The following APOLD1 variants were observed in gnomAD, a reference collection of about 807,000 sequenced individuals.
APOLD1 encodes the protein apolipoprotein L domain-containing protein 1.
APOLD1 carries 22 observed loss-of-function variants against 15.3 expected under a neutral mutation model. The observed-to-expected ratio is 1.44, with a 90% CI of 1.03 to 2.05. The LOEUF is 2.05. APOLD1 is among the 30% of genes most tolerant of loss of function. The pLI is 0.00. For synonymous variants in APOLD1, 190 were observed against 167.4 expected, an observed-to-expected ratio of 1.13 and a Z score of -1.04; for missense variants, 394 against 353.5, an observed-to-expected ratio of 1.11 and a Z score of -0.92.
At chr12:12,730,044 G>A (rs1313881135) in intron 1 of APOLD1, among the ~76,000 whole-genome samples, 2 of 92,874 alleles carry the variant, frequency 2.2e-5, no homozygotes, top group East Asian at 3.1e-4. Context: ...GTGTGTGTGT[G>A]TGTGTGTGTG....
At chr12:12,777,607 T>C (rs1002957204) in intron 1 of APOLD1, among the ~76,000 whole-genome samples, 1 of 152,192 alleles carries the variant, frequency 6.6e-6, no homozygotes, top group African/African-American at 2.4e-5. Flanking sequence ...CAATTGAGCA[T>C]CCCTAATTAA....
chr12:12,777,561 T>C (rs1445710188), intron 1 of APOLD1, among the ~76,000 whole-genome samples: 1 of 152,208 alleles, frequency 6.6e-6, no homozygotes, highest in East Asian at 1.9e-4. Context: ...ATTTCAATTT[T>C]GGCAGGATTT....
At position 12,789,781 on chromosome 12, in the gene APOLD1, T is replaced by G. The variant is rs1391496371; in HGVS notation, c.*2129T>G. On this transcript the variant is annotated 3_prime_UTR_variant, in exon 2 of 2. Coordinates refer to ENST00000356591, the MANE Select transcript of APOLD1 (RefSeq NM_030817.3). ...GCCTCTGTTACTTAATTATTTAATA[T>G]TCTATAAATGTACCCAATCTGTCCG... 1 of 152,252 alleles carries G rather than the reference T, an allele frequency of 6.6e-6. No homozygotes were observed. Among genetic ancestry groups the G allele is most frequent in the Non-Finnish European group, 1.5e-5 (1 of 68,046 alleles). 9.4% of individuals were successfully genotyped at this position (152,252 alleles called of 1,614,324 possible).
chr12:12,783,243 A>C (rs1456347525), upstream of APOLD1, among the ~76,000 whole-genome samples: 1 of 152,184 alleles, frequency 6.6e-6, no homozygotes, highest in Non-Finnish European at 1.5e-5. Flanking sequence ...CAAATGCTGA[A>C]TTGAATCGCT....
At chr12:12,727,802 G>A (rs190894895) in intron 1 of APOLD1, among the ~76,000 whole-genome samples, 96 of 143,170 alleles carry the variant, frequency 6.7e-4, no homozygotes, top group African/African-American at 2.2e-3. Context: ...GTCTTGCTGC[G>A]TTGCCCAGGC....
intron 1 of APOLD1, among the ~76,000 whole-genome samples, chr12:12,740,085 G>A (rs1242922445): frequency 1.3e-5 from 2 of 151,706 alleles, no homozygotes; most frequent in Admixed American, 1.3e-4. Flanking sequence ...AGGTTCAAGC[G>A]ATTCTCCTGC....
chr12:12,752,871 A>G (rs548234060), intron 1 of APOLD1, among the ~76,000 whole-genome samples: 2 of 152,312 alleles, frequency 1.3e-5, no homozygotes, highest in East Asian at 1.9e-4. Context: ...AGATGGTTCA[A>G]TTGCTGCTTG....
At chr12:12,754,403 A>C (rs1341104967) in intron 1 of APOLD1, among the ~76,000 whole-genome samples, 2 of 151,776 alleles carry the variant, frequency 1.3e-5, no homozygotes, top group Admixed American at 1.3e-4. Context: ...GACCCAATCA[A>C]ATATAATAAA....
Position 12,744,786 on chromosome 12 carries a change from T to C in APOLD1, c.96+18690T>C, listed in dbSNP as rs554857416. ...TCCTGTTGCCTGTGCTCAGTGTCTG[T>C]CTGGCTCCTGGCCTCCTCTTGCCAG... On this transcript the variant is annotated intron_variant, in intron 1 of 1. Coordinates refer to the APOLD1 transcript ENST00000326765. 2.0e-5 allele frequency among the ~76,000 whole-genome samples: 3 copies of C among 152,290 alleles called. No individual in the cohort carries two copies. The South Asian group carries it at 6.2e-4, about 32-fold the overall frequency.
At chr12:12,761,648 G>A (rs539169086) in intron 1 of APOLD1, among the ~76,000 whole-genome samples, 10 of 151,998 alleles carry the variant, frequency 6.6e-5, no homozygotes, top group African/African-American at 1.9e-4. Context: ...TATGATAAAT[G>A]TCTATCAACA....
chr12:12,751,443 C>T (rs766866310), intron 1 of APOLD1, among the ~76,000 whole-genome samples: 1 of 151,900 alleles, frequency 6.6e-6, no homozygotes, highest in Non-Finnish European at 1.5e-5. Flanking sequence ...TTCTACCTCC[C>T]GAGCTCAAGG....
intron 1 of APOLD1, among the ~76,000 whole-genome samples, chr12:12,751,157 C>T (rs1946809862): frequency 6.6e-6 from 1 of 151,814 alleles, no homozygotes; most frequent in Admixed American, 6.6e-5. Context: ...CATTGCCTAC[C>T]AGGGTTCCTG....
Position 12,787,651 on chromosome 12 carries a change from G to T in APOLD1, c.746G>T (p.Ter249LeuextTer39). ...SADQRAGLFF[*>L] ...GACCAGCGTGCAGGGCTGTTTTTCT[G>T]AGAACATCCTTTCCCCCTAATGACC... Residue 249 changes from the stop codon to leucine, a stop_lost, in exon 2 of 2, where the codon TGA (stop) becomes TTA (leucine). Coordinates refer to ENST00000356591, the MANE Select transcript of APOLD1 (RefSeq NM_030817.3). The surrounding 1 kb of genome is among the most constrained non-coding windows in gnomAD (Gnocchi z 4.9). 1 of 1,584,144 alleles carries T rather than the reference G, an allele frequency of 6.3e-7. No homozygotes were observed. Among genetic ancestry groups the T allele is most frequent in the South Asian group, 1.1e-5 (1 of 89,660 alleles).
intron 1 of APOLD1, among the ~76,000 whole-genome samples, chr12:12,728,933 A>T (rs1451417367): frequency 6.6e-6 from 1 of 152,216 alleles, no homozygotes; most frequent in East Asian, 1.9e-4. Flanking sequence ...AACACCCAAC[A>T]TGACAAAGAT....
intron 1 of APOLD1, among the ~76,000 whole-genome samples, chr12:12,753,651 C>G (rs1421765022): frequency 6.6e-6 from 1 of 151,680 alleles, no homozygotes; most frequent in East Asian, 1.9e-4. Flanking sequence ...CCAGCCAGGG[C>G]CACAGAGTGA....
intron 1 of APOLD1, among the ~76,000 whole-genome samples, chr12:12,771,877 A>G (rs1296656992): frequency 1.3e-5 from 2 of 152,208 alleles, no homozygotes; most frequent in Non-Finnish European, 2.9e-5. Context: ...TACTCACACT[A>G]ACTGTGAAGT....
intron 1 of APOLD1, among the ~76,000 whole-genome samples, chr12:12,732,213 A>G (rs1402336003): frequency 1.3e-5 from 2 of 152,224 alleles, no homozygotes; most frequent in Non-Finnish European, 2.9e-5. Context: ...AAACTATGCT[A>G]TGCAATAAAT....
chr12:12,751,574 C>T (rs1946812561), intron 1 of APOLD1, among the ~76,000 whole-genome samples: 1 of 152,128 alleles, frequency 6.6e-6, no homozygotes, highest in Admixed American at 6.6e-5. Flanking sequence ...TGGTCTGAAA[C>T]TCCTGGCCTC....
Position 12,787,102 on chromosome 12 carries a change from G to T in APOLD1, c.197G>T (p.Gly66Val). ...GCCGGCAGCTCGCTGAGCGCAACGG[G>T]CGCCCTCGCCGCCATCGTGGGGCTC... ...NVAGSSLSAT[G>V]ALAAIVGLSL... Residue 66 changes from glycine (G) to valine (V), a missense_variant, in exon 2 of 2, where the codon GGC becomes GTC. Transcript: ENST00000356591. The surrounding 1 kb of genome is among the most constrained non-coding windows in gnomAD (Gnocchi z 4.9). 7.1e-7 allele frequency: 1 copy of T among 1,414,668 alleles called. No homozygotes were observed. The highest frequency in any genetic ancestry group is 9.1e-7 in the Non-Finnish European group (1 of 1,095,282). The allele number at this position is 1,414,668 out of a possible 1,614,324, so 87.6% of individuals were successfully genotyped here. A position where few individuals can be genotyped will look rare whatever the true frequency, so the allele number is the denominator to read the frequency against.
Sources: gnomAD v4.1 joint callset for allele counts (sites outside exome capture counted in the v4.1 genomes callset) on GRCh38, gnomAD v4.1.1 for gene constraint, Gnocchi (gnomAD v3.1) non-coding constraint, MANE v1.5 for transcripts, NCBI Gene and HGNC (gene_info 2026-07-23, HGNC 2026-07-21) for gene names.